Variants in GALNT10 observed in about 807,000 individuals in gnomAD.
GALNT10 encodes the protein polypeptide N-acetylgalactosaminyltransferase 10, also known as GalNAc transferase 10.
A neutral mutation model predicts 75.0 loss-of-function variants in GALNT10; 41 were observed. That is an observed-to-expected ratio of 0.55 (90% CI 0.43 to 0.71). The LOEUF is 0.71. GALNT10 is among the 30% of genes least tolerant of loss of function. The pLI is 0.00. For missense variants in GALNT10, 727 were observed against 818.5 expected (o/e 0.89, Z 1.36); for synonymous variants, 302 against 313.0 (o/e 0.96, Z 0.37).
intron 1 of GALNT10, among the ~76,000 whole-genome samples, chr5:154,293,393 G>A (rs914764154): frequency 1.6e-4 from 25 of 152,136 alleles, no homozygotes; most frequent in African/African-American, 6.0e-4. Context: ...ACCTGGGGAA[G>A]GCTCTGGGCC....
At chr5:154,210,571 G>T (rs1232732086) in intron 1 of GALNT10, among the ~76,000 whole-genome samples, 1 of 152,196 alleles carries the variant, frequency 6.6e-6, no homozygotes. Context: ...CAATAAGTGT[G>T]ATTATTTGAT....
chr5:154,404,173 G>GTGCC lies in GALNT10; in HGVS notation c.1127_1130dup (p.Tyr378AlafsTer15), dbSNP rs1756224852. 1 of 1,612,116 alleles carries GTGCC rather than the reference G, an allele frequency of 6.2e-7. No individual in the cohort carries two copies. Among genetic ancestry groups the GTGCC allele is most frequent in the Non-Finnish European group, 8.5e-7 (1 of 1,178,868 alleles). ...GGTGGGCCATATCTACAGGAAGTATGTGCCCTACAAGGTCCCGGCCGGAGT... is the reference window on the plus strand; with the variant it reads ...GGTGGGCCATATCTACAGGAAGTATGTGCCTGCCCTACAAGGTCCCGGCCGGAGT... On this transcript the variant is annotated frameshift_variant, in exon 8 of 12. Coordinates refer to ENST00000297107, the MANE Select transcript of GALNT10 (RefSeq NM_198321.4). LOFTEE classifies it high-confidence loss of function.
chr5:154,272,943 C>CTATAA (rs5872367), intron 1 of GALNT10, among the ~76,000 whole-genome samples: 11 of 151,240 alleles, frequency 7.3e-5, no homozygotes, highest in African/African-American at 2.7e-4. Context: ...GTACTCTAGA[C>CTATAA]GGTAGGAAAT....
chr5:154,276,157 C>T (rs190072243), intron 1 of GALNT10, among the ~76,000 whole-genome samples: 92 of 152,286 alleles, frequency 6.0e-4, no homozygotes, highest in Non-Finnish European at 9.1e-4. Flanking sequence ...TAGGGTCTGA[C>T]AAGGCCAAAA....
At chr5:154,371,829 A>G (rs1049918179) in intron 4 of GALNT10, among the ~76,000 whole-genome samples, 3 of 152,184 alleles carry the variant, frequency 2.0e-5, no homozygotes, top group Admixed American at 1.3e-4. Flanking sequence ...CAACACTGAG[A>G]TAACTTACTG....
chr5:154,342,663 A>G (rs1420306103), intron 4 of GALNT10, among the ~76,000 whole-genome samples: 3 of 152,164 alleles, frequency 2.0e-5, no homozygotes, highest in Non-Finnish European at 4.4e-5. Flanking sequence ...GCAAAAACGC[A>G]TGGCCCTTCT....
At chr5:154,198,335 A>C (rs1774976184) in intron 1 of GALNT10, among the ~76,000 whole-genome samples, 1 of 152,136 alleles carries the variant, frequency 6.6e-6, no homozygotes, top group Non-Finnish European at 1.5e-5. Context: ...CCCCAAACAC[A>C]ATGCTTGGTA....
chr5:154,412,892 C>T lies in GALNT10; in HGVS notation c.1390C>T (p.Arg464Ter), dbSNP rs1300954685. 1.2e-6 allele frequency: 2 copies of T among 1,610,174 alleles called. No homozygotes were observed. Among genetic ancestry groups the T allele is most frequent in the African/African-American group, 2.7e-5 (2 of 74,870 alleles). ...EPPAAAWGEIRNVGTGLCADT... is the reference protein window; with the variant it reads ...EPPAAAWGEI ...TTCTTCCCTCTTTCCCTTTCAGATC[C>T]GAAATGTGGGCACAGGGCTGTGTGC... The change falls in exon 10 of 12, where the codon CGA becomes TGA. Residue 464 changes from arginine (R) to a stop codon, truncating the protein, a stop_gained. Transcript: ENST00000297107. LOFTEE classifies it high-confidence loss of function. The surrounding 1 kb of genome is among the most constrained non-coding windows in gnomAD (Gnocchi z 4.2).
At position 154,348,678 on chromosome 5, in the gene GALNT10, A is replaced by G. The variant is rs186744300; in HGVS notation, c.568+18940A>G. ...AGCTTTGTGATCTTGAGCAAATTACATCACTTCTTTGTGCTTCAGTGTCTG... is the reference window on the plus strand; with the variant it reads ...AGCTTTGTGATCTTGAGCAAATTACGTCACTTCTTTGTGCTTCAGTGTCTG... On this transcript the variant is annotated intron_variant, in intron 4 of 11. Transcript: ENST00000297107. Among the ~76,000 whole-genome samples, 139 of 152,328 alleles carry G rather than the reference A, an allele frequency of 9.1e-4. No homozygotes were observed. In the South Asian group the frequency reaches 0.011, roughly 12 times the overall value.
At chr5:154,275,228 TA>T (rs1419630017) in intron 1 of GALNT10, among the ~76,000 whole-genome samples, 1 of 152,202 alleles carries the variant, frequency 6.6e-6, no homozygotes, top group Admixed American at 6.5e-5. Context: ...CAGAGATGAA[TA>T]AAAATGGGTC....
intron 1 of GALNT10, among the ~76,000 whole-genome samples, chr5:154,278,982 A>C (rs1360775854): frequency 1.3e-5 from 2 of 152,178 alleles, no homozygotes; most frequent in African/African-American, 4.8e-5. Context: ...CCTTTTGCCT[A>C]TTGTGGTAAT....
At chr5:154,214,259 A>G (rs1752830641) in intron 1 of GALNT10, among the ~76,000 whole-genome samples, 1 of 152,206 alleles carries the variant, frequency 6.6e-6, no homozygotes, top group Admixed American at 6.5e-5. Flanking sequence ...CTCCAAAATA[A>G]AAAACCAGGT....
intron 3 of GALNT10, among the ~76,000 whole-genome samples, chr5:154,302,215 T>A (rs932371438): frequency 6.6e-6 from 1 of 152,256 alleles, no homozygotes; most frequent in Non-Finnish European, 1.5e-5. Flanking sequence ...AAACTGAATT[T>A]TGGCAACAGC....
At position 154,240,204 on chromosome 5, in the gene GALNT10, C is replaced by T. The variant is rs562348672; in HGVS notation, c.159+49179C>T. Reference sequence around the variant, plus strand: ...GCCATCTGGTGGGGTGACAGACAGACACAAAAATAACCCTCAAATTTGATT... The same window carrying T: ...GCCATCTGGTGGGGTGACAGACAGATACAAAAATAACCCTCAAATTTGATT... On this transcript the variant is annotated intron_variant, in intron 1 of 11. Coordinates refer to ENST00000297107, the MANE Select transcript of GALNT10 (RefSeq NM_198321.4). Among the ~76,000 whole-genome samples, 5 of 152,318 alleles carry T rather than the reference C, an allele frequency of 3.3e-5. No individual in the cohort carries two copies. In the South Asian group the frequency reaches 6.2e-4, roughly 19 times the overall value.
chr5:154,293,613 ATTT>A lies in GALNT10; in HGVS notation c.160-1195_160-1193del, dbSNP rs1201863629. Reference sequence around the variant, plus strand: ...GGGGCTGATATATATATATATATATATTTTTTTTTTCCTTTCAGCCATTCAATT... The same window carrying A: ...GGGGCTGATATATATATATATATATATTTTTTTCCTTTCAGCCATTCAATT... On this transcript the variant is annotated intron_variant, in intron 1 of 11. Coordinates refer to ENST00000297107, the MANE Select transcript of GALNT10 (RefSeq NM_198321.4). 2.7e-4 allele frequency among the ~76,000 whole-genome samples: 29 copies of A among 109,418 alleles called. 2 individuals are homozygous for A. The highest frequency in any genetic ancestry group is 1.1e-3 in the African/African-American group (26 of 23,638). The allele number at this position is 109,418 out of a possible 152,430, so 71.8% of individuals were successfully genotyped here.
In GALNT10 at chr5:154,409,834, A is replaced by C; in HGVS notation, c.1386+72A>C. 2.0e-6 allele frequency: 2 copies of C among 1,021,328 alleles called. No homozygotes were observed. 63.3% of individuals were successfully genotyped at this position (1,021,328 alleles called of 1,614,324 possible). On this transcript the variant is annotated intron_variant, in intron 9 of 11. Coordinates refer to ENST00000297107, the MANE Select transcript of GALNT10 (RefSeq NM_198321.4). The surrounding 1 kb of genome is among the most constrained non-coding windows in gnomAD (Gnocchi z 4.5). ...AAATGCAAATGCAGATCCCATGTTC[A>C]AAAGGTAGAAAGTCAGTGCAGGGAG...
intron 1 of GALNT10, among the ~76,000 whole-genome samples, chr5:154,214,481 A>C (rs78821619): frequency 0.021 from 3,166 of 152,228 alleles, 45 homozygotes; most frequent in Non-Finnish European, 0.03. Context: ...GAGAAAAAAA[A>C]CCCCAAACCT....
intron 10 of GALNT10, 63 bp downstream of exon 10, chr5:154,413,068 T>G (rs1339642052): frequency 9.7e-7 from 1 of 1,030,830 alleles, no homozygotes; most frequent in Non-Finnish European, 1.5e-6. Flanking sequence ...CCTGGGGTGC[T>G]GACACGGCCA....
chr5:154,219,481 C>G (rs1046274166), intron 1 of GALNT10: 8 of 152,356 alleles, frequency 5.3e-5, no homozygotes, highest in African/African-American at 1.9e-4. Flanking sequence ...CAGCGTCTAG[C>G]ACACCTCCTG....
Sources: gnomAD v4.1 joint callset for allele counts (sites outside exome capture counted in the v4.1 genomes callset) on GRCh38, gnomAD v4.1.1 for gene constraint, Gnocchi (gnomAD v3.1) non-coding constraint, MANE v1.5 for transcripts, NCBI Gene and HGNC (gene_info 2026-07-23, HGNC 2026-07-21) for gene names.